Variants in CREB3L4 observed in about 807,000 individuals in gnomAD.
CREB3L4 encodes the protein cyclic AMP-responsive element-binding protein 3-like protein 4.
In CREB3L4, 28 loss-of-function variants were observed where a neutral mutation model predicts 37.0. The ratio of observed to expected loss-of-function variants is 0.76; its 90% CI spans 0.56 to 1.04. The LOEUF (loss-of-function observed/expected upper bound fraction) is 1.04, where lower values mean the gene tolerates loss of function less well. Ranked by LOEUF, CREB3L4 falls within the 50% of genes least tolerant of loss-of-function variation. The pLI is 0.00. For missense variants in CREB3L4, 462 were observed against 486.0 expected (o/e 0.95, Z 0.46); for synonymous variants, 175 against 192.2 (o/e 0.91, Z 0.74).
In CREB3L4 at chr1:153,973,719, G is replaced by C; in HGVS notation, c.994+3G>C. The C allele has an allele frequency of 6.3e-7, 1 of 1,595,780 alleles. No individual in the cohort carries two copies. Among genetic ancestry groups the C allele is most frequent in the Non-Finnish European group, 8.6e-7 (1 of 1,169,522 alleles). Reference sequence around the variant, plus strand: ...TGAGGATTACCAGCCTCACGGAGGTGAGAGGCAAGGGCAGGGAGCAACCCC... The same window carrying C: ...TGAGGATTACCAGCCTCACGGAGGTCAGAGGCAAGGGCAGGGAGCAACCCC... On this transcript the variant is annotated splice_donor_region_variant and intron_variant, in intron 9 of 9. Coordinates refer to ENST00000368607, the MANE Select transcript of CREB3L4 (RefSeq NM_001255978.2).
chr1:153,969,420 G>C lies in CREB3L4; in HGVS notation c.508G>C (p.Ala170Pro). ...FDAHAHILPR[A>P]GTVAPVPCTT... is the part of the protein sequence containing the mutation. ...TGCTCATGCCCACATCCTGCCCAGA[G>C]CAGGCACCGTAGCCCCAGTGCCCTG... The change falls in exon 4 of 10, where the codon GCA becomes CCA. Residue 170 changes from alanine (A) to proline (P), a missense_variant. Coordinates refer to ENST00000368607, the MANE Select transcript of CREB3L4 (RefSeq NM_001255978.2). The C allele has an allele frequency of 6.2e-7, 1 of 1,614,118 alleles. No individual in the cohort carries two copies. Among genetic ancestry groups the C allele is most frequent in the Non-Finnish European group, 8.5e-7 (1 of 1,180,016 alleles).
chr1:153,973,811 T>G, intron 9 of CREB3L4, 61 bp from the exon 10 acceptor site: 1 of 1,573,270 alleles, frequency 6.4e-7, no homozygotes, highest in Non-Finnish European at 8.7e-7. Context: ...GGTCCTGTCC[T>G]GTCTAGGGTC....
At position 153,973,402 on chromosome 1, in the gene CREB3L4, C is replaced by T; in HGVS notation, c.835C>T (p.Gln279Ter). 6.2e-7 allele frequency: 1 copy of T among 1,614,158 alleles called. No homozygotes were observed. Among genetic ancestry groups the T allele is most frequent in the Non-Finnish European group, 8.5e-7 (1 of 1,180,018 alleles). ...HNISLVAQLR[Q>*]LQTLIAQTSN... The stretch of plus-strand genomic sequence containing the variant: ...CAGCTCCTTGGTAGCTCAGCTCCGC[C>T]AGCTGCAGACGCTAATTGCTCAAAC... Residue 279 changes from glutamine to a stop codon, truncating the protein, a stop_gained, in exon 8 of 10, where the codon CAG becomes TAG. Transcript: ENST00000368607. LOFTEE classifies it high-confidence loss of function.
chr1:153,973,558 C>A, intron 8 of CREB3L4, 62 bp from the exon 9 acceptor site: 1 of 1,562,378 alleles, frequency 6.4e-7, no homozygotes, highest in East Asian at 2.2e-5. Context: ...CCGATAACCC[C>A]AGCTGGCCTC....
chr1:153,967,529 T>G (rs1013910231), upstream of CREB3L4: 11 of 152,174 alleles, frequency 7.2e-5, no homozygotes, highest in Admixed American at 2.0e-4. Context: ...CTCGCGCCTG[T>G]GGTCCTAGCT....
chr1:153,971,587 C>CTTTTTT (rs55930906), intron 4 of CREB3L4, among the ~76,000 whole-genome samples: 286 of 107,320 alleles, frequency 2.7e-3, no homozygotes, highest in African/African-American at 3.4e-3. Context: ...TTTTCTTTTT[C>CTTTTTT]TTTTTTTTTT....
intron 4 of CREB3L4, among the ~76,000 whole-genome samples, chr1:153,971,875 T>G (rs2102171412): frequency 6.6e-6 from 1 of 152,132 alleles, no homozygotes; most frequent in Admixed American, 6.5e-5. Flanking sequence ...CAGGCTGGAG[T>G]GCAGTGGTGC....
chr1:153,973,591 C>G (rs780537438), intron 8 of CREB3L4, 29 bp from the exon 9 acceptor site: 1 of 1,598,218 alleles, frequency 6.3e-7, no homozygotes. Flanking sequence ...CCCCTGCTCC[C>G]TTCATCTGTT....
intron 4 of CREB3L4, 29 bp from the exon 5 acceptor site, chr1:153,972,715 A>G (rs768749433): frequency 1.0e-5 from 16 of 1,589,796 alleles, no homozygotes; most frequent in African/African-American, 2.7e-5. Flanking sequence ...CCTCACTCCT[A>G]TTGCATCTTC....
rs755791333 is a variant in CREB3L4, at chr1:153,973,844, C to T, written c.995-28C>T. The T allele has an allele frequency of 1.9e-6, 3 of 1,609,694 alleles. No homozygotes were observed. The Admixed American group carries it at 5.0e-5, about 27-fold the overall frequency. On this transcript the variant is annotated intron_variant, in intron 9 of 9. Coordinates refer to ENST00000368607, the MANE Select transcript of CREB3L4 (RefSeq NM_001255978.2). ...GTCTCCCACCCAGGGGAGCACTCTA[C>T]TACTGCCCTCTTGCCTTCACCTCAC...
intron 4 of CREB3L4, among the ~76,000 whole-genome samples, chr1:153,971,587 C>CTTTTTTTTTTTTTT (rs55930906): frequency 3.9e-4 from 42 of 107,496 alleles, no homozygotes; most frequent in East Asian, 8.7e-4. Context: ...TTTTCTTTTT[C>CTTTTTTTTTTTTTT]TTTTTTTTTT....
rs535476607 is a variant in CREB3L4, at chr1:153,970,217, A to G, written c.543+762A>G. 1.1e-3 allele frequency among the ~76,000 whole-genome samples: 171 copies of G among 152,204 alleles called. 1 individual carries two copies. Among genetic ancestry groups the G allele is most frequent in the African/African-American group, 3.5e-3 (145 of 41,520 alleles). On this transcript the variant is annotated intron_variant, in intron 4 of 9. Coordinates refer to ENST00000368607, the MANE Select transcript of CREB3L4 (RefSeq NM_001255978.2). ...GCTGGGATTACAGGTGTGAGCCACC[A>G]CGCCTGGCCCAACATGAACAATTTT...
rs1325183704 is a variant in CREB3L4, at chr1:153,974,281, T to C, written c.*216T>C. Reference sequence around the variant, plus strand: ...GTACCTCAAATACTTCTGTTATGTATCTGTGATTTTATTTCTTCTTTGGGT... The same window carrying C: ...GTACCTCAAATACTTCTGTTATGTACCTGTGATTTTATTTCTTCTTTGGGT... On this transcript the variant is annotated 3_prime_UTR_variant, in exon 10 of 10. Coordinates refer to ENST00000368607, the MANE Select transcript of CREB3L4 (RefSeq NM_001255978.2). 1 of 510,860 alleles carries C rather than the reference T, an allele frequency of 2.0e-6. No homozygotes were observed. The allele number at this position is 510,860 out of a possible 1,614,324, so 31.6% of individuals were successfully genotyped here.
At chr1:153,973,348 A>G in intron 7 of CREB3L4, 32 bp from the exon 8 acceptor site, 1 of 1,612,970 alleles carries the variant, frequency 6.2e-7, no homozygotes, top group Non-Finnish European at 8.5e-7. Flanking sequence ...TGGTACCCAG[A>G]TGATACTAAC....
At chr1:153,971,912 T>G (rs1648415941) in intron 4 of CREB3L4, among the ~76,000 whole-genome samples, 1 of 152,044 alleles carries the variant, frequency 6.6e-6, no homozygotes, top group South Asian at 2.1e-4. Context: ...AACCTCCACC[T>G]CCCGGGTTCA....
chr1:153,969,450 A>C lies in CREB3L4; in HGVS notation c.538A>C (p.Thr180Pro). The C allele has an allele frequency of 1.9e-6, 3 of 1,613,252 alleles. No homozygotes were observed. Among genetic ancestry groups the C allele is most frequent in the Non-Finnish European group, 2.5e-6 (3 of 1,179,666 alleles). The change falls in exon 4 of 10, where the codon ACC becomes CCC. Residue 180 changes from threonine (T) to proline (P), a missense_variant. Transcript: ENST00000368607. ...CACCGTAGCCCCAGTGCCCTGTACAACCCTGGTGAGTCTTGGTGTCAGCCA... is the reference window on the plus strand; with the variant it reads ...CACCGTAGCCCCAGTGCCCTGTACACCCCTGGTGAGTCTTGGTGTCAGCCA... ...AGTVAPVPCT[T>P]LLPCQTLFLT...
chr1:153,973,533 A>G (rs1648612747), intron 8 of CREB3L4, 69 bp downstream of exon 8: 7 of 1,570,616 alleles, frequency 4.5e-6, no homozygotes, highest in Non-Finnish European at 6.1e-6. Flanking sequence ...ACCCGGCCAG[A>G]TCTACTTCCC....
In CREB3L4 at chr1:153,973,188, A is replaced by G; in HGVS notation, c.744-7A>G. 6.2e-7 allele frequency: 1 copy of G among 1,614,062 alleles called. No individual in the cohort carries two copies. The highest frequency in any genetic ancestry group is 8.5e-7 in the Non-Finnish European group (1 of 1,180,002). On this transcript the variant is annotated splice_polypyrimidine_tract_variant and splice_region_variant and intron_variant, in intron 6 of 9. Coordinates refer to ENST00000368607, the MANE Select transcript of CREB3L4 (RefSeq NM_001255978.2). ...GCTGAGCCTTGTCCTACCTCCCTACATTCTAGGGTGGCAGCCTGTTCTGCA... is the reference window on the plus strand; with the variant it reads ...GCTGAGCCTTGTCCTACCTCCCTACGTTCTAGGGTGGCAGCCTGTTCTGCA...
intron 4 of CREB3L4, among the ~76,000 whole-genome samples, chr1:153,970,662 G>A (rs1173097980): frequency 3.3e-5 from 5 of 151,456 alleles, no homozygotes; most frequent in Non-Finnish European, 7.4e-5. Flanking sequence ...TACCCAAAAG[G>A]CAGGGACCAG....
Sources: allele counts gnomAD v4.1 joint callset (sites outside exome capture counted in the v4.1 genomes callset), GRCh38; gene constraint gnomAD v4.1.1; transcripts MANE v1.5; gene names NCBI Gene and HGNC (gene_info 2026-07-23, HGNC 2026-07-21).